ADAMTS18: variants seen among roughly 807,000 people sequenced by gnomAD.
ADAMTS18 encodes the protein ADAM metallopeptidase with thrombospondin type 1 motif 18, also known as A disintegrin and metalloproteinase with thrombospondin motifs 18.
Under a neutral mutation model 165.9 loss-of-function variants are expected in ADAMTS18, and 157 were observed. The ratio of observed to expected loss-of-function variants is 0.95; its 90% confidence interval spans 0.83 to 1.08. The LOEUF is 1.08. Ranked by LOEUF, ADAMTS18 falls within the 50% of genes least tolerant of loss-of-function variation. The pLI, the probability that ADAMTS18 is intolerant of heterozygous loss-of-function variation, is 0.00. For missense variants in ADAMTS18, 2,040 were observed against 1,534.0 expected (o/e 1.33, Z -5.51); for synonymous variants, 782 against 578.2 (o/e 1.35, Z -5.06).
At chr16:77,374,626 T>C (rs917060093) in intron 3 of ADAMTS18, among the ~76,000 whole-genome samples, 2 of 152,186 alleles carry the variant, frequency 1.3e-5, no homozygotes, top group Admixed American at 1.3e-4. Flanking sequence ...GCTCAACTAA[T>C]ATCAAAGGCT....
chr16:77,314,543 C>G (rs1325031864), intron 16 of ADAMTS18, among the ~76,000 whole-genome samples: 1 of 147,536 alleles, frequency 6.8e-6, no homozygotes, highest in Non-Finnish European at 1.5e-5. Context: ...ACCCAGTAGG[C>G]GGAGGTTGCA....
Position 77,296,404 on chromosome 16 carries a change from G to A in ADAMTS18, c.2801+885C>T, listed in dbSNP as rs115585125. 3.7e-3 allele frequency among the ~76,000 whole-genome samples: 563 copies of A among 152,126 alleles called. 5 individuals carry two copies. The highest frequency in any genetic ancestry group is 0.012 in the African/African-American group (517 of 41,496). On this transcript the variant is annotated intron_variant, in intron 18 of 22. Transcript: ENST00000282849. ...TTTTGCATTTGGGGTTTCATGGCCC[G>A]CATAATATTATGATTTTTAAATTCT...
intron 7 of ADAMTS18, among the ~76,000 whole-genome samples, chr16:77,360,484 G>C (rs1440333841): frequency 6.6e-6 from 1 of 151,444 alleles, no homozygotes; most frequent in African/African-American, 2.5e-5. Context: ...TTCCACAGTT[G>C]ATAGAATTTC....
At chr16:77,412,458 A>C (rs1246639478) in intron 3 of ADAMTS18, among the ~76,000 whole-genome samples, 1 of 152,150 alleles carries the variant, frequency 6.6e-6, no homozygotes, top group African/African-American at 2.4e-5. Context: ...CCAAGTAGCT[A>C]GTACTACAGA....
intron 20 of ADAMTS18, among the ~76,000 whole-genome samples, chr16:77,292,691 G>C (rs150456514): frequency 1.3e-5 from 2 of 152,350 alleles, no homozygotes; most frequent in African/African-American, 4.8e-5. Context: ...GGGTGCTTTA[G>C]CAATGTTTCG....
intron 16 of ADAMTS18, among the ~76,000 whole-genome samples, chr16:77,306,744 A>G (rs941548974): frequency 5.3e-5 from 8 of 152,206 alleles, no homozygotes; most frequent in Non-Finnish European, 7.3e-5. Flanking sequence ...AGCATTGTAC[A>G]TGCATTATCT....
intron 3 of ADAMTS18, among the ~76,000 whole-genome samples, chr16:77,417,689 G>A (rs574941197): frequency 6.6e-6 from 1 of 152,272 alleles, no homozygotes; most frequent in Non-Finnish European, 1.5e-5. Flanking sequence ...GTGCCATGCT[G>A]GTGCGCTGCA....
At chr16:77,379,973 G>A (rs1430588962) in intron 3 of ADAMTS18, among the ~76,000 whole-genome samples, 4 of 152,164 alleles carry the variant, frequency 2.6e-5, no homozygotes, top group Non-Finnish European at 5.9e-5. Context: ...CAGTGTCTAT[G>A]CACTCTCAGT....
intron 3 of ADAMTS18, among the ~76,000 whole-genome samples, chr16:77,399,714 C>T (rs951110098): frequency 6.6e-6 from 1 of 152,158 alleles, no homozygotes; most frequent in African/African-American, 2.4e-5. Context: ...CTTGGTTACA[C>T]TAAGCATTCA....
At chr16:77,309,256 G>A (rs74025794) in intron 16 of ADAMTS18, among the ~76,000 whole-genome samples, 7,903 of 151,784 alleles carry the variant, frequency 0.052, 561 homozygotes, top group African/African-American at 0.16. Flanking sequence ...ATAACACTTG[G>A]TCAAGAAAAT....
At chr16:77,386,514 G>A (rs115888862) in intron 3 of ADAMTS18, among the ~76,000 whole-genome samples, 1,557 of 152,146 alleles carry the variant, frequency 0.01, 37 homozygotes, top group African/African-American at 0.034. Context: ...ACAACTGCTG[G>A]GCAGCAGCTA....
Position 77,434,643 on chromosome 16 carries a change from G to A in ADAMTS18, c.53C>T (p.Pro18Leu). Residue 18 changes from proline (P) to leucine (L), a missense_variant, in exon 1 of 23, where the codon CCG becomes CTG. By Grantham distance (98) the Pro-to-Leu change is moderately conservative. Transcript: ENST00000282849. ...ACAFPAAGSG[P>L]PRGLAGLGRV... is the part of the protein sequence containing the mutation. ...CCCCAGTCCCGCCAGGCCCCTCGGC[G>A]GGCCCGAACCCGCAGCCGGGAAGGC... 2 of 1,483,610 alleles carry A rather than the reference G, an allele frequency of 1.3e-6. No homozygotes were observed. The highest frequency in any genetic ancestry group is 1.8e-6 in the Non-Finnish European group (2 of 1,124,148). 91.9% of individuals were successfully genotyped at this position (1,483,610 alleles called of 1,614,324 possible). A position where few individuals can be genotyped will look rare whatever the true frequency, so the allele number is the denominator to read the frequency against.
At chr16:77,345,975 GT>G (rs1172040539) in intron 10 of ADAMTS18, among the ~76,000 whole-genome samples, 1 of 152,166 alleles carries the variant, frequency 6.6e-6, no homozygotes, top group African/African-American at 2.4e-5. Context: ...TATCCTACCA[GT>G]TTAGGTCTTG....
rs538542269 is a variant in ADAMTS18, at chr16:77,434,627, C to G, written c.69G>C (p.Ala23=). 5 of 1,492,122 alleles carry G rather than the reference C, an allele frequency of 3.4e-6. No homozygotes were observed. Among genetic ancestry groups the G allele is most frequent in the Non-Finnish European group, 4.4e-6 (5 of 1,128,326 alleles). 92.4% of individuals were successfully genotyped at this position (1,492,122 alleles called of 1,614,324 possible). Residue 23 remains alanine, a synonymous_variant, in exon 1 of 23, where the codon GCG becomes GCC. Transcript: ENST00000282849. ...AAGSGPPRGL[A]GLGRVAKALQ... ...CTGCCTTGGCCACGCGCCCCAGTCCCGCCAGGCCCCTCGGCGGGCCCGAAC... is the reference window on the plus strand; with the variant it reads ...CTGCCTTGGCCACGCGCCCCAGTCCGGCCAGGCCCCTCGGCGGGCCCGAAC...
chr16:77,433,741 C>T (rs1332329883), intron 2 of ADAMTS18, among the ~76,000 whole-genome samples: 3 of 152,186 alleles, frequency 2.0e-5, no homozygotes, highest in Non-Finnish European at 4.4e-5. Context: ...CAGGAATCAG[C>T]TGTTCTCCTG....
intron 11 of ADAMTS18, 42 bp from the exon 12 acceptor site, chr16:77,335,946 C>T (rs1361488703): frequency 6.2e-7 from 1 of 1,613,624 alleles, no homozygotes; most frequent in Non-Finnish European, 8.5e-7. Context: ...CAGAGACCAC[C>T]TGGGAAAGCG....
chr16:77,333,882 T>TTTGTA (rs1001723665), intron 12 of ADAMTS18, among the ~76,000 whole-genome samples: 1 of 92,202 alleles, frequency 1.1e-5, no homozygotes, highest in Non-Finnish European at 2.4e-5. Flanking sequence ...ATATAGTATA[T>TTTGTA]TAGTATATTA....
At chr16:77,323,549 G>C (rs1416439319) in intron 13 of ADAMTS18, among the ~76,000 whole-genome samples, 1 of 137,522 alleles carries the variant, frequency 7.3e-6, no homozygotes. Context: ...ACAAGTTTTA[G>C]AAAGTTCCTT....
chr16:77,291,367 T>A lies in ADAMTS18; in HGVS notation c.3301A>T (p.Lys1101Ter). ...FPERRCRNIK[K>*]PNLDLEETCN... is the part of the protein sequence containing the mutation. ...GTCTCTTCCAAGTCCAGATTTGGTT[T>A]CTTAATATTACGGCATCTTCGCTCT... Residue 1101 changes from lysine (K) to a stop codon, truncating the protein, a stop_gained, in exon 21 of 23, where the codon AAA becomes TAA. Transcript: ENST00000282849. LOFTEE classifies it high-confidence loss of function. The A allele has an allele frequency of 6.2e-7, 1 of 1,614,210 alleles. No individual in the cohort carries two copies. Among genetic ancestry groups the A allele is most frequent in the Non-Finnish European group, 8.5e-7 (1 of 1,180,026 alleles).
Sources: allele counts gnomAD v4.1 joint callset (sites outside exome capture counted in the v4.1 genomes callset), GRCh38; gene constraint gnomAD v4.1.1; transcripts MANE v1.5; gene names NCBI Gene and HGNC (gene_info 2026-07-23, HGNC 2026-07-21).